The following SNRPE variants were observed in gnomAD, a reference collection of about 807,000 sequenced individuals.
SNRPE encodes the protein small nuclear ribonucleoprotein polypeptide E.
For synonymous variants in SNRPE, 35 were observed against 36.7 expected, an observed-to-expected ratio of 0.95 and a Z score of 0.17; for missense variants, 53 against 111.6, an observed-to-expected ratio of 0.48 and a Z score of 2.36.
Position 203,865,118 on chromosome 1 carries a change from G to A in SNRPE, c.222G>A (p.Leu74=), listed in dbSNP as rs749640579. 2.5e-6 allele frequency: 4 copies of A among 1,611,404 alleles called. No homozygotes were observed. The South Asian group carries it at 3.3e-5, about 13-fold the overall frequency. ...IHSKTKSRKQ[L]GRIMLKGDNI... is the part of the protein sequence containing the mutation. ...CTAAAACAAAGTCAAGAAAACAACT[G>A]GGTAAGGATAGAAGTGGTCTTACAG... The change falls in exon 4 of 5, where the codon CTG becomes CTA. Residue 74 remains leucine (L), a splice_region_variant and synonymous_variant. Coordinates refer to ENST00000414487, the MANE Select transcript of SNRPE (RefSeq NM_003094.4).
chr1:203,862,058 C>T, intron 1 of SNRPE, 138 bp from the exon 2 acceptor site: 9 of 708,650 alleles, frequency 1.3e-5, no homozygotes, highest in South Asian at 9.6e-5. Context: ...GAATGCCCAG[C>T]TGGGCACTTG....
chr1:203,864,959 GTT>G, intron 3 of SNRPE, 80 bp from the exon 4 acceptor site: 1 of 1,351,186 alleles, frequency 7.4e-7, no homozygotes, highest in Non-Finnish European at 9.8e-7. Context: ...GTTAGTTGGA[GTT>G]TTTATCTGCA....
intron 1 of SNRPE, 77 bp from the exon 2 acceptor site, chr1:203,862,119 G>T: frequency 8.8e-7 from 1 of 1,140,714 alleles, no homozygotes; most frequent in Non-Finnish European, 1.3e-6. Context: ...GGTGAGACGG[G>T]AATAGCGTCG....
chr1:203,869,258 T>G (rs1558159471), intron 4 of SNRPE, among the ~76,000 whole-genome samples: 1 of 148,036 alleles, frequency 6.8e-6, no homozygotes, highest in East Asian at 2.0e-4. Context: ...AAATTTTGGG[T>G]AAAACAGGTT....
In SNRPE at chr1:203,867,936, C is replaced by G. The variant is rs181479433; in HGVS notation, c.224-1941C>G. On this transcript the variant is annotated intron_variant, in intron 4 of 4. Transcript: ENST00000414487. ...TGAAATTATTTTATTAGTGTCTCTCCTGTTATCAGATGCTTCACCGTAAGT... is the reference window on the plus strand; with the variant it reads ...TGAAATTATTTTATTAGTGTCTCTCGTGTTATCAGATGCTTCACCGTAAGT... 5.9e-5 allele frequency among the ~76,000 whole-genome samples: 9 copies of G among 152,274 alleles called. No homozygotes were observed. The East Asian group carries it at 1.7e-3, about 29-fold the overall frequency.
chr1:203,869,834 AGT>A lies in SNRPE; in HGVS notation c.224-37_224-36del. 2.2e-6 allele frequency: 3 copies of A among 1,388,242 alleles called. No homozygotes were observed. The South Asian group carries it at 3.7e-5, about 17-fold the overall frequency. The allele number at this position is 1,388,242 out of a possible 1,614,324, so 86.0% of individuals were successfully genotyped here. A position where few individuals can be genotyped will look rare whatever the true frequency, so the allele number is the denominator to read the frequency against. ...CAAAATTCTGAGAGTAAAACATCTG[AGT>A]GTGTGGCTATTAATAGCTTTTTGTT... On this transcript the variant is annotated intron_variant, in intron 4 of 4. Transcript: ENST00000414487.
intron 2 of SNRPE, among the ~76,000 whole-genome samples, chr1:203,863,135 A>G (rs1690009924): frequency 7.3e-6 from 1 of 137,114 alleles, no homozygotes; most frequent in Admixed American, 8.6e-5. Flanking sequence ...TTTAGGAGCC[A>G]TATTTCTCTT....
intron 2 of SNRPE, among the ~76,000 whole-genome samples, chr1:203,862,502 G>C (rs145932335): frequency 6.6e-6 from 1 of 152,234 alleles, no homozygotes; most frequent in African/African-American, 2.4e-5. Context: ...CTTGACCATG[G>C]TATTTGGGCA....
chr1:203,869,508 T>TA (rs1183887324), intron 4 of SNRPE, among the ~76,000 whole-genome samples: 1 of 151,998 alleles, frequency 6.6e-6, no homozygotes, highest in Non-Finnish European at 1.5e-5. Flanking sequence ...GTGGAGTCTT[T>TA]AATATACTAA....
intron 4 of SNRPE, among the ~76,000 whole-genome samples, chr1:203,867,622 G>A (rs571419292): frequency 1.3e-4 from 20 of 152,156 alleles, no homozygotes; most frequent in East Asian, 5.8e-4. Flanking sequence ...TAGGTTTTGC[G>A]CTCCTATGAG....
Position 203,870,703 on chromosome 1 carries a change from T to C in SNRPE, c.*771T>C, listed in dbSNP as rs757798634. On this transcript the variant is annotated 3_prime_UTR_variant, in exon 5 of 5. Coordinates refer to ENST00000414487, the MANE Select transcript of SNRPE (RefSeq NM_003094.4). ...CCAGTGATTGCTGGTTGAATTCTTA[T>C]ATGGACAGGTTTCCCTTCCCCCAGT... Among the ~76,000 whole-genome samples the C allele has an allele frequency of 1.2e-4, 18 of 152,248 alleles. No homozygotes were observed. The highest frequency in any genetic ancestry group is 3.3e-4 in the Admixed American group (5 of 15,282).
chr1:203,863,440 C>CCCGAGTAG (rs1690018302), intron 2 of SNRPE, among the ~76,000 whole-genome samples: 1 of 152,142 alleles, frequency 6.6e-6, no homozygotes, highest in African/African-American at 2.4e-5. Context: ...GCTTCAGCGT[C>CCCGAGTAG]CCGAGTAGCT....
chr1:203,869,645 A>G (rs531211821), intron 4 of SNRPE, among the ~76,000 whole-genome samples: 2 of 152,324 alleles, frequency 1.3e-5, no homozygotes, highest in South Asian at 4.1e-4. Flanking sequence ...GACTTAGTCC[A>G]TAGAAATGAT....
intron 4 of SNRPE, among the ~76,000 whole-genome samples, chr1:203,867,465 A>G (rs1048410516): frequency 1.3e-5 from 2 of 152,158 alleles, no homozygotes; most frequent in African/African-American, 4.8e-5. Flanking sequence ...ACAACTCACC[A>G]TCATGTAGAA....
At chr1:203,863,805 G>A in intron 3 of SNRPE, 80 bp downstream of exon 3, 1 of 970,158 alleles carries the variant, frequency 1.0e-6, no homozygotes, top group Non-Finnish European at 1.6e-6. Flanking sequence ...CCAGAACAGT[G>A]TATAAAAAGT....
In SNRPE at chr1:203,868,373, C is replaced by A. The variant is rs1169634085; in HGVS notation, c.224-1504C>A. On this transcript the variant is annotated intron_variant, in intron 4 of 4. Coordinates refer to ENST00000414487, the MANE Select transcript of SNRPE (RefSeq NM_003094.4). ...CCTGGCAATGAATGGTATTTCTTAA[C>A]CCAGTTAATGAATGGTCTTAGGATT... Among the ~76,000 whole-genome samples, 6 of 152,090 alleles carry A rather than the reference C, an allele frequency of 3.9e-5. No homozygotes were observed. The East Asian group carries it at 1.2e-3, about 29-fold the overall frequency.
At chr1:203,863,540 C>CT in intron 2 of SNRPE, 123 bp from the exon 3 acceptor site, 1 of 700,232 alleles carries the variant, frequency 1.4e-6, no homozygotes, top group South Asian at 1.7e-5. Flanking sequence ...AGGATGGTCT[C>CT]TATCTCTTGA....
At chr1:203,867,266 C>A (rs999652715) in intron 4 of SNRPE, among the ~76,000 whole-genome samples, 2 of 110,808 alleles carry the variant, frequency 1.8e-5, no homozygotes, top group African/African-American at 6.8e-5. Flanking sequence ...GGCGACACAG[C>A]GAGACTCTGT....
At chr1:203,863,606 A>T in intron 2 of SNRPE, 57 bp from the exon 3 acceptor site, 1 of 1,284,374 alleles carries the variant, frequency 7.8e-7, no homozygotes, top group East Asian at 2.3e-5. Context: ...GGCGTGAGCC[A>T]CCGCGCCCGG....
Sources: gnomAD v4.1 joint callset for allele counts (sites outside exome capture counted in the v4.1 genomes callset) on GRCh38, gnomAD v4.1.1 for gene constraint, MANE v1.5 for transcripts, NCBI Gene and HGNC (gene_info 2026-07-23, HGNC 2026-07-21) for gene names.